Variants in NEURL1B observed in about 807,000 individuals in gnomAD.
NEURL1B encodes the protein E3 ubiquitin-protein ligase NEURL1B.
NEURL1B carries 13 observed loss-of-function variants against 37.4 expected under a neutral mutation model. That is an observed-to-expected ratio of 0.35 (90% CI 0.23 to 0.55). The LOEUF (loss-of-function observed/expected upper bound fraction) is 0.55. Among genes scored for constraint, NEURL1B ranks in the 20% least tolerant of loss-of-function variants. The pLI, the probability that NEURL1B is intolerant of heterozygous loss-of-function variation, is 0.89. For missense variants in NEURL1B, 790 were observed against 879.2 expected (o/e 0.90, Z 1.28); for synonymous variants, 432 against 426.6 (o/e 1.01, Z -0.16).
chr5:172,660,911 G>A lies in NEURL1B; in HGVS notation c.32-8874G>A, dbSNP rs144370794. On this transcript the variant is annotated intron_variant, in intron 1 of 4. Coordinates refer to ENST00000369800, the MANE Select transcript of NEURL1B (RefSeq NM_001142651.3). ...CTTACAAAGTGCCGAGATTACAGGCGTGAGCCACCGTGCCCAGCCTGGTTA... is the reference window on the plus strand; with the variant it reads ...CTTACAAAGTGCCGAGATTACAGGCATGAGCCACCGTGCCCAGCCTGGTTA... Among the ~76,000 whole-genome samples the A allele has an allele frequency of 2.1e-3, 324 of 152,252 alleles. 1 individual carries two copies. Among genetic ancestry groups the A allele is most frequent in the African/African-American group, 7.5e-3 (312 of 41,560 alleles).
intron 1 of NEURL1B, among the ~76,000 whole-genome samples, chr5:172,669,225 C>T (rs1293295819): frequency 6.6e-6 from 1 of 152,152 alleles, no homozygotes; most frequent in African/African-American, 2.4e-5. Context: ...TACCTCCCAC[C>T]TAGGAAGTGC....
chr5:172,641,437 G>A lies in NEURL1B; in HGVS notation c.31G>A (p.Asp11Asn). 7.5e-7 allele frequency: 1 copy of A among 1,327,304 alleles called. No homozygotes were observed. The highest frequency in any genetic ancestry group is 9.6e-7 in the Non-Finnish European group (1 of 1,041,392). 82.2% of individuals were successfully genotyped at this position (1,327,304 alleles called of 1,614,324 possible). The change falls in exon 1 of 5, where the codon GAC becomes AAC. Residue 11 changes from aspartate (D) to asparagine (N), a missense_variant and splice_region_variant. Coordinates refer to ENST00000369800, the MANE Select transcript of NEURL1B (RefSeq NM_001142651.3). The surrounding 1 kb of genome is among the most constrained non-coding windows in gnomAD (Gnocchi z 6.4). ...CAACACGGTGCACCGGACCCTGCCA[G>A]GTACGCCGGGGAGCCCTGCCCGGGA... is the stretch of plus-strand genomic sequence containing the variant. MGNTVHRTLP[D>N]PSPPARLLAT...
At chr5:172,673,723 C>T (rs368623409) in intron 2 of NEURL1B, among the ~76,000 whole-genome samples, 204 of 149,492 alleles carry the variant, frequency 1.4e-3, no homozygotes, top group Middle Eastern at 3.4e-3. Context: ...CTCAGCCTCC[C>T]GAGTAGCCAG....
intron 2 of NEURL1B, among the ~76,000 whole-genome samples, chr5:172,682,845 T>G (rs1758385362): frequency 6.6e-6 from 1 of 152,210 alleles, no homozygotes; most frequent in South Asian, 2.1e-4. Context: ...CCCTTGGTCA[T>G]GTTCCCCAAC....
In NEURL1B at chr5:172,683,335, C is replaced by T; in HGVS notation, c.578-84C>T. ...GGCCCGGGTCGGTCGTGGAGGCCTG[C>T]AGGAGGCAGCGGGCGAGGAGGGGCT... is the stretch of plus-strand genomic sequence containing the variant. On this transcript the variant is annotated intron_variant, in intron 2 of 4. Transcript: ENST00000369800. The surrounding 1 kb of genome is among the most constrained non-coding windows in gnomAD (Gnocchi z 5.6). The T allele has an allele frequency of 1.6e-6, 2 of 1,252,978 alleles. No homozygotes were observed. The highest frequency in any genetic ancestry group is 2.0e-6 in the Non-Finnish European group (2 of 995,552). The allele number at this position is 1,252,978 out of a possible 1,614,324, so 77.6% of individuals were successfully genotyped here. A position where few individuals can be genotyped will look rare whatever the true frequency, so the allele number is the denominator to read the frequency against.
chr5:172,657,654 C>A lies in NEURL1B; in HGVS notation c.32-12131C>A, dbSNP rs111648742. Among the ~76,000 whole-genome samples the A allele has an allele frequency of 6.6e-6, 1 of 152,006 alleles. No individual in the cohort carries two copies. The highest frequency in any genetic ancestry group is 1.5e-5 in the Non-Finnish European group (1 of 68,002). ...TGAGGGCTCCTTGGTCAAGTGGTAA[C>A]GCCGGTGTCTGGGAAGGCACCTGTT... On this transcript the variant is annotated intron_variant, in intron 1 of 4. Coordinates refer to ENST00000369800, the MANE Select transcript of NEURL1B (RefSeq NM_001142651.3). The surrounding 1 kb of genome is among the most constrained non-coding windows in gnomAD (Gnocchi z 4.0).
chr5:172,643,573 T>G (rs1757506984), intron 1 of NEURL1B, among the ~76,000 whole-genome samples: 1 of 152,162 alleles, frequency 6.6e-6, no homozygotes, highest in South Asian at 2.1e-4. Context: ...TGTGACTCTT[T>G]GCGGTTCCCT....
chr5:172,641,357 C>T lies in NEURL1B; in HGVS notation c.-50C>T. ...GGTCCCTGGCCCGCCGCGTAATTAG[C>T]CTCCGCGCGCCCAGAGCGCGCCGCC... On this transcript the variant is annotated 5_prime_UTR_variant, in exon 1 of 5. Transcript: ENST00000369800. The surrounding 1 kb of genome is among the most constrained non-coding windows in gnomAD (Gnocchi z 6.4). 7.3e-7 allele frequency: 1 copy of T among 1,377,900 alleles called. No homozygotes were observed. Among genetic ancestry groups the T allele is most frequent in the Non-Finnish European group, 9.4e-7 (1 of 1,065,394 alleles). The allele number at this position is 1,377,900 out of a possible 1,614,324, so 85.4% of individuals were successfully genotyped here.
At chr5:172,668,595 C>T (rs1314898806) in intron 1 of NEURL1B, among the ~76,000 whole-genome samples, 1 of 152,224 alleles carries the variant, frequency 6.6e-6, no homozygotes, top group East Asian at 1.9e-4. Context: ...CAGTGCACCC[C>T]GTGGCTGGGT....
intron 2 of NEURL1B, among the ~76,000 whole-genome samples, chr5:172,677,170 G>T (rs560921928): frequency 6.6e-6 from 1 of 152,252 alleles, no homozygotes; most frequent in South Asian, 2.1e-4. Context: ...TGGGAGCCAC[G>T]CGGAGTCATT....
chr5:172,680,158 C>T (rs1485446906), intron 2 of NEURL1B, among the ~76,000 whole-genome samples: 3 of 152,160 alleles, frequency 2.0e-5, no homozygotes, highest in South Asian at 4.1e-4. Flanking sequence ...CACTTAGTGC[C>T]ATGCTCTGTA....
chr5:172,684,204 T>G, intron 3 of NEURL1B, 66 bp downstream of exon 3: 1 of 1,039,206 alleles, frequency 9.6e-7, no homozygotes, highest in Non-Finnish European at 1.2e-6. Context: ...CTCACCCCGC[T>G]GCGCTCTTCC....
chr5:172,674,820 C>T (rs562050996), intron 2 of NEURL1B, among the ~76,000 whole-genome samples: 1 of 152,216 alleles, frequency 6.6e-6, no homozygotes, highest in African/African-American at 2.4e-5. Context: ...ATCCCCAATC[C>T]CCACTCCTTT....
At chr5:172,658,270 G>A (rs1176103452) in intron 1 of NEURL1B, among the ~76,000 whole-genome samples, 4 of 152,192 alleles carry the variant, frequency 2.6e-5, no homozygotes, top group Admixed American at 6.5e-5. Flanking sequence ...GCTAAGCTCC[G>A]TAGGGCTGGA....
intron 2 of NEURL1B, among the ~76,000 whole-genome samples, chr5:172,678,219 A>C (rs1423756796): frequency 6.6e-6 from 1 of 152,208 alleles, no homozygotes; most frequent in Admixed American, 6.5e-5. Context: ...TGTGTAATAC[A>C]ATATGCATAT....
Position 172,668,562 on chromosome 5 carries a change from C to T in NEURL1B, c.32-1223C>T, listed in dbSNP as rs962904580. 3.9e-5 allele frequency among the ~76,000 whole-genome samples: 6 copies of T among 152,344 alleles called. No individual in the cohort carries two copies. The South Asian group carries it at 6.2e-4, about 16-fold the overall frequency. ...AGGATTCATCAAACCCCCCCACTTC[C>T]ACTCTGTGGTGTGCCCAGAGCACAG... On this transcript the variant is annotated intron_variant, in intron 1 of 4. Coordinates refer to ENST00000369800, the MANE Select transcript of NEURL1B (RefSeq NM_001142651.3).
Position 172,684,123 on chromosome 5 carries a change from C to A in NEURL1B, c.1282C>A (p.Gln428Lys). Residue 428 changes from glutamine (Q) to lysine (K), a missense_variant, in exon 3 of 5, where the codon CAG becomes AAG. Physicochemically the swap from Gln to Lys is moderately conservative, Grantham distance 53 (BLOSUM62 1). Around this residue, in one of 3 missense-constraint regions of NEURL1B, gnomAD observed 460 missense variants for 407.4 expected, o/e 1.13. Coordinates refer to ENST00000369800, the MANE Select transcript of NEURL1B (RefSeq NM_001142651.3). Reference sequence around the variant, plus strand: ...CGCCGTGCGCGGCGGCGTCGCGGGCCAGCTGCGTCTCCTCGGTGAGTCCCC... The same window carrying A: ...CGCCGTGCGCGGCGGCGTCGCGGGCAAGCTGCGTCTCCTCGGTGAGTCCCC... Reference protein sequence around the residue: ...FFAVRGGVAGQLRLLGTLQSS... With the variant: ...FFAVRGGVAGKLRLLGTLQSS... 1 of 1,254,162 alleles carries A rather than the reference C, an allele frequency of 8.0e-7. No homozygotes were observed. The highest frequency in any genetic ancestry group is 1.0e-6 in the Non-Finnish European group (1 of 999,072). 77.7% of individuals were successfully genotyped at this position (1,254,162 alleles called of 1,614,324 possible). A position where few individuals can be genotyped will look rare whatever the true frequency, so the allele number is the denominator to read the frequency against.
Position 172,641,576 on chromosome 5 carries a change from GACC to G in NEURL1B, c.31+140_31+142del. ...GGGCTGGAGTCTCCGGTACCTCCCG[GACC>G]TCAGCTCGGCGCGCGCCCCGCGGCT... On this transcript the variant is annotated intron_variant, in intron 1 of 4. Transcript: ENST00000369800. The surrounding 1 kb of genome is among the most constrained non-coding windows in gnomAD (Gnocchi z 6.4). The G allele has an allele frequency of 1.4e-6, 1 of 713,602 alleles. No individual in the cohort carries two copies. The allele number at this position is 713,602 out of a possible 1,614,324, so 44.2% of individuals were successfully genotyped here.
chr5:172,681,610 C>A (rs1758354973), intron 2 of NEURL1B, among the ~76,000 whole-genome samples: 1 of 152,170 alleles, frequency 6.6e-6, no homozygotes, highest in African/African-American at 2.4e-5. Flanking sequence ...GGGCAAGCTT[C>A]TTTAGCCCAT....
Sources: gnomAD v4.1 joint callset for allele counts (sites outside exome capture counted in the v4.1 genomes callset) on GRCh38, gnomAD v4.1.1 for gene constraint, gnomAD v4.1.1 regional missense constraint, Gnocchi (gnomAD v3.1) non-coding constraint, MANE v1.5 for transcripts, NCBI Gene and HGNC (gene_info 2026-07-23, HGNC 2026-07-21) for gene names.